Variants in WDPCP observed in about 807,000 individuals in gnomAD.
The protein encoded by WDPCP is WD repeat-containing and planar cell polarity effector protein fritz homolog.
In WDPCP, 71 loss-of-function variants were observed where a neutral mutation model predicts 93.1. That is an observed-to-expected ratio of 0.76 (90% CI 0.63 to 0.93). The LOEUF is 0.93. Among genes scored for constraint, WDPCP ranks in the 40% least tolerant of loss-of-function variants. The pLI, the probability that WDPCP is intolerant of heterozygous loss-of-function variation, is 0.00. For synonymous variants in WDPCP, 315 were observed against 315.0 expected (o/e 1.00, Z 0.00); for missense variants, 844 against 887.4 (o/e 0.95, Z 0.62).
intron 17 of WDPCP, among the ~76,000 whole-genome samples, chr2:63,132,449 T>C (rs1559141901): frequency 6.6e-6 from 1 of 151,606 alleles, no homozygotes. Flanking sequence ...CTTATTGTCT[T>C]CTCCTTCTGG....
chr2:63,771,496 C>T (rs1670225812), intron 2 of WDPCP, among the ~76,000 whole-genome samples: 1 of 151,818 alleles, frequency 6.6e-6, no homozygotes, highest in South Asian at 2.1e-4. Context: ...CTTACACAAA[C>T]TCTTCAAGGG....
chr2:63,600,666 A>G (rs1709401404), intron 3 of WDPCP, among the ~76,000 whole-genome samples: 1 of 152,208 alleles, frequency 6.6e-6, no homozygotes, highest in Non-Finnish European at 1.5e-5. Flanking sequence ...CAGCCTAAAC[A>G]TTCCTAATTT....
chr2:63,788,619 A>T (rs1218291722), intron 2 of WDPCP, among the ~76,000 whole-genome samples: 2 of 152,194 alleles, frequency 1.3e-5, no homozygotes, highest in African/African-American at 2.4e-5. Flanking sequence ...TATCTAAAGG[A>T]CATTTTTATT....
At chr2:63,288,826 AG>A (rs551816213) in intron 13 of WDPCP, among the ~76,000 whole-genome samples, 128 of 152,272 alleles carry the variant, frequency 8.4e-4, no homozygotes, top group African/African-American at 2.6e-3. Flanking sequence ...AATCTGGAAT[AG>A]TTCTTTGCTC....
chr2:63,827,220 C>T (rs889413380), intron 1 of WDPCP, among the ~76,000 whole-genome samples: 1 of 152,132 alleles, frequency 6.6e-6, no homozygotes, highest in Non-Finnish European at 1.5e-5. Flanking sequence ...ACTTGGCTAA[C>T]AAAATTAAGC....
At chr2:63,712,755 C>T (rs1470977956) in intron 2 of WDPCP, among the ~76,000 whole-genome samples, 1 of 152,092 alleles carries the variant, frequency 6.6e-6, no homozygotes, top group Non-Finnish European at 1.5e-5. Flanking sequence ...ACAGTGAGAC[C>T]CCCTGTAGTG....
intron 6 of WDPCP, among the ~76,000 whole-genome samples, chr2:63,471,447 A>G (rs1699684594): frequency 6.6e-6 from 1 of 152,348 alleles, no homozygotes; most frequent in South Asian, 2.1e-4. Context: ...GGAATAGGAA[A>G]GCCAAGAATT....
intron 6 of WDPCP, chr2:63,478,001 A>G (rs892787477): frequency 1.3e-5 from 2 of 152,078 alleles, no homozygotes; most frequent in Non-Finnish European, 2.9e-5. Flanking sequence ...CTTTGTAACA[A>G]TTTCAACCAA....
chr2:63,429,886 G>A (rs1696602338), intron 9 of WDPCP, among the ~76,000 whole-genome samples: 1 of 151,724 alleles, frequency 6.6e-6, no homozygotes, highest in Admixed American at 6.6e-5. Flanking sequence ...GTGTGCACCT[G>A]TAAATTCACT....
chr2:63,337,322 A>AT (rs34838914), intron 12 of WDPCP, among the ~76,000 whole-genome samples: 121,857 of 152,162 alleles, frequency 0.8, 49,668 homozygotes, highest in East Asian at 0.96. Flanking sequence ...ACATGATTTC[A>AT]TTTTTGATGG....
chr2:63,448,801 T>A (rs556160028), intron 6 of WDPCP, among the ~76,000 whole-genome samples: 1 of 152,184 alleles, frequency 6.6e-6, no homozygotes, highest in Middle Eastern at 3.4e-3. Flanking sequence ...ACATGTGGAA[T>A]CTAAAAAAGT....
At chr2:63,486,898 A>T (rs1458440419) in intron 3 of WDPCP, among the ~76,000 whole-genome samples, 1 of 152,014 alleles carries the variant, frequency 6.6e-6, no homozygotes, top group Non-Finnish European at 1.5e-5. Flanking sequence ...AAGCTGCTTC[A>T]GTCTGTCATC....
At chr2:63,655,606 C>T (rs1710158551) in intron 2 of WDPCP, among the ~76,000 whole-genome samples, 1 of 151,860 alleles carries the variant, frequency 6.6e-6, no homozygotes, top group African/African-American at 2.4e-5. Context: ...TACTTCTGTC[C>T]TCTGTCTGTT....
chr2:63,516,608 G>C (rs1026243417), intron 1 of WDPCP, among the ~76,000 whole-genome samples: 1 of 145,364 alleles, frequency 6.9e-6, no homozygotes, highest in Non-Finnish European at 1.5e-5. Flanking sequence ...CCAATGACCA[G>C]CACATCATTG....
chr2:63,198,796 T>A (rs1675657814), intron 14 of WDPCP, among the ~76,000 whole-genome samples: 1 of 152,176 alleles, frequency 6.6e-6, no homozygotes, highest in Admixed American at 6.5e-5. Context: ...GGCATTGCTA[T>A]AAAGATACCT....
chr2:63,603,565 C>T (rs1709469714), intron 3 of WDPCP, among the ~76,000 whole-genome samples: 1 of 151,286 alleles, frequency 6.6e-6, no homozygotes, highest in Admixed American at 6.6e-5. Flanking sequence ...ACAAATTATA[C>T]ATATACCTGA....
intron 12 of WDPCP, among the ~76,000 whole-genome samples, chr2:63,335,652 G>T (rs1688302349): frequency 3.3e-5 from 5 of 152,022 alleles, no homozygotes; most frequent in African/African-American, 1.2e-4. Context: ...GTTTTTGTGT[G>T]TTGATCCTGT....
At chr2:63,301,183 C>T (rs1242684040) in intron 13 of WDPCP, among the ~76,000 whole-genome samples, 1 of 152,216 alleles carries the variant, frequency 6.6e-6, no homozygotes, top group African/African-American at 2.4e-5. Context: ...AGCCTCTCTA[C>T]TGGAAACCAG....
intron 1 of WDPCP, among the ~76,000 whole-genome samples, chr2:63,586,732 G>C (rs1344128038): frequency 6.6e-6 from 1 of 152,216 alleles, no homozygotes; most frequent in African/African-American, 2.4e-5. Flanking sequence ...TGTATATCTG[G>C]ACTGGATGGG....
Sources: allele counts gnomAD v4.1 joint callset (sites outside exome capture counted in the v4.1 genomes callset), GRCh38; gene constraint gnomAD v4.1.1; transcripts MANE v1.5; gene names NCBI Gene and HGNC (gene_info 2026-07-23, HGNC 2026-07-21).